Variants in TMEM131 observed in about 807,000 individuals in gnomAD.
TMEM131 encodes the protein transmembrane protein 131, also known as 2610524E03Rik.
A neutral mutation model predicts 211.6 loss-of-function variants in TMEM131; 66 were observed. That is an observed-to-expected ratio of 0.31 (90% CI 0.26 to 0.38). TMEM131 has a LOEUF of 0.38. Among genes scored for constraint, TMEM131 ranks in the 10% least tolerant of loss-of-function variants. The pLI is 1.00. For missense variants in TMEM131, 2,036 were observed against 2,299.3 expected (o/e 0.89, Z 2.34); for synonymous variants, 844 against 841.3 (o/e 1.00, Z -0.06).
intron 10 of TMEM131, among the ~76,000 whole-genome samples, chr2:97,833,653 AC>A (rs1391342351): frequency 9.1e-5 from 9 of 98,838 alleles, no homozygotes; most frequent in African/African-American, 2.9e-4. Flanking sequence ...CAAAATATAT[AC>A]TTTTTTTTTT....
chr2:97,995,330 G>T, intron 1 of TMEM131, 146 bp downstream of exon 1: 2 of 733,838 alleles, frequency 2.7e-6, no homozygotes, highest in Non-Finnish European at 1.9e-6. Context: ...GGCGGGCGCC[G>T]CGAGGTCCCG....
intron 1 of TMEM131, among the ~76,000 whole-genome samples, chr2:97,938,291 C>G (rs972754588): frequency 1.3e-5 from 2 of 152,064 alleles, no homozygotes; most frequent in African/African-American, 4.8e-5. Context: ...CCCATCTCAC[C>G]TGCAGAGACA....
intron 3 of TMEM131, among the ~76,000 whole-genome samples, chr2:97,903,853 G>T (rs1481495587): frequency 6.6e-6 from 1 of 151,960 alleles, no homozygotes; most frequent in African/African-American, 2.4e-5. Flanking sequence ...AGTAGAGATG[G>T]GGTTTCACCG....
chr2:97,789,946 C>T (rs1033180735), intron 31 of TMEM131, among the ~76,000 whole-genome samples: 56 of 152,148 alleles, frequency 3.7e-4, no homozygotes, highest in Non-Finnish European at 5.0e-4. Context: ...TGCAAGCCAT[C>T]CAACCGCAGA....
chr2:97,945,131 C>T (rs1413405932), intron 1 of TMEM131, among the ~76,000 whole-genome samples: 1 of 151,996 alleles, frequency 6.6e-6, no homozygotes, highest in Non-Finnish European at 1.5e-5. Context: ...ATTTTTCAGC[C>T]ACAACAAAAA....
At chr2:97,943,572 G>A (rs1459025758) in intron 1 of TMEM131, among the ~76,000 whole-genome samples, 1 of 152,160 alleles carries the variant, frequency 6.6e-6, no homozygotes, top group African/African-American at 2.4e-5. Flanking sequence ...ACTTAATAAT[G>A]TTAAAATGGT....
chr2:97,815,268 A>T lies in TMEM131; in HGVS notation c.1223T>A (p.Ile408Lys). The T allele has an allele frequency of 2.5e-6, 4 of 1,574,744 alleles. No homozygotes were observed. Among genetic ancestry groups the T allele is most frequent in the Non-Finnish European group, 3.4e-6 (4 of 1,169,218 alleles). ...ACTCTTTTCCTTTGCTTTAACTGTTATTTTCCCAGAAAACTGAGATGGCTT... is the reference window on the plus strand; with the variant it reads ...ACTCTTTTCCTTTGCTTTAACTGTTTTTTTCCCAGAAAACTGAGATGGCTT... The part of the protein sequence containing the change: ...AKKPSQFSGK[I>K]TVKAKEKSYS... Residue 408 changes from isoleucine (I) to lysine (K), a missense_variant, in exon 13 of 41, where the codon ATA becomes AAA. By Grantham distance (102) the Ile-to-Lys change is moderately radical (BLOSUM62 -3). This residue lies in a region of TMEM131 where 1,623 missense variants were observed against 1,805.9 expected (regional missense o/e 0.90). Coordinates refer to ENST00000186436, the MANE Select transcript of TMEM131 (RefSeq NM_015348.2).
At chr2:97,925,954 C>CA (rs1237997388) in intron 2 of TMEM131, among the ~76,000 whole-genome samples, 3 of 151,082 alleles carry the variant, frequency 2.0e-5, no homozygotes, top group Non-Finnish European at 4.4e-5. Context: ...ACTAAAAATA[C>CA]AAAAAAAATT....
In TMEM131 at chr2:97,814,309, G is replaced by C; in HGVS notation, c.1372C>G (p.Leu458Val). The change falls in exon 14 of 41, where the codon CTT becomes GTT. Residue 458 changes from leucine (L) to valine (V), a missense_variant. Around this residue, in one of 3 missense-constraint regions of TMEM131, gnomAD observed 1,623 missense variants for 1,805.9 expected, o/e 0.90. Coordinates refer to ENST00000186436, the MANE Select transcript of TMEM131 (RefSeq NM_015348.2). ...ATCGCAAAACTGAAAGTGTTAGTAA[G>C]GTAAATTGGCCTTTCCACAGGATCA... Reference protein sequence around the residue: ...PADPVERPIYLTNTFSFAILI... With the variant: ...PADPVERPIYVTNTFSFAILI... The C allele has an allele frequency of 6.2e-7, 1 of 1,613,708 alleles. No individual in the cohort carries two copies. The highest frequency in any genetic ancestry group is 8.5e-7 in the Non-Finnish European group (1 of 1,179,808).
chr2:97,833,228 A>C, intron 11 of TMEM131, 137 bp downstream of exon 11: 2 of 520,740 alleles, frequency 3.8e-6, no homozygotes, highest in Non-Finnish European at 6.8e-6. Context: ...TTCTCACATC[A>C]CACTTAGAAC....
intron 1 of TMEM131, among the ~76,000 whole-genome samples, chr2:97,959,513 T>C (rs1231976582): frequency 6.6e-6 from 1 of 151,824 alleles, no homozygotes; most frequent in Non-Finnish European, 1.5e-5. Flanking sequence ...CATTCTCCCT[T>C]TCTCTCTCTC....
At chr2:97,824,591 C>A (rs761621287) in intron 11 of TMEM131, among the ~76,000 whole-genome samples, 11 of 151,740 alleles carry the variant, frequency 7.2e-5, no homozygotes, top group Non-Finnish European at 1.6e-4. Flanking sequence ...GGAGCTATTA[C>A]CTACATGAAT....
At chr2:97,990,919 T>C (rs1680235472) in intron 1 of TMEM131, among the ~76,000 whole-genome samples, 1 of 152,182 alleles carries the variant, frequency 6.6e-6, no homozygotes, top group Non-Finnish European at 1.5e-5. Context: ...AAAGTCCTAA[T>C]AAAGGCTGTC....
intron 1 of TMEM131, among the ~76,000 whole-genome samples, chr2:97,950,389 G>A (rs1248975646): frequency 6.6e-6 from 1 of 152,172 alleles, no homozygotes; most frequent in Non-Finnish European, 1.5e-5. Flanking sequence ...GTCAAAGTTT[G>A]AAGATAGCAG....
intron 4 of TMEM131, among the ~76,000 whole-genome samples, chr2:97,886,011 A>G (rs1675141690): frequency 6.6e-6 from 1 of 152,044 alleles, no homozygotes; most frequent in South Asian, 2.1e-4. Context: ...TCTGTCTTCA[A>G]GTTCAGAAAT....
intron 5 of TMEM131, among the ~76,000 whole-genome samples, chr2:97,851,134 C>A (rs114801005): frequency 6.6e-6 from 1 of 151,922 alleles, no homozygotes; most frequent in Non-Finnish European, 1.5e-5. Context: ...GTGATCTCAT[C>A]CAGATCCATG....
At chr2:97,846,615 T>C (rs1244095967) in intron 5 of TMEM131, among the ~76,000 whole-genome samples, 2 of 152,158 alleles carry the variant, frequency 1.3e-5, no homozygotes, top group African/African-American at 4.8e-5. Flanking sequence ...CAGCCCAGGA[T>C]AGCTTGAATT....
At chr2:97,872,982 A>C (rs901988668) in intron 4 of TMEM131, among the ~76,000 whole-genome samples, 3 of 152,222 alleles carry the variant, frequency 2.0e-5, no homozygotes, top group African/African-American at 7.2e-5. Context: ...CCAGCAAACT[A>C]AGATTCACTG....
intron 5 of TMEM131, among the ~76,000 whole-genome samples, chr2:97,847,860 T>G (rs1683522847): frequency 6.6e-6 from 1 of 152,212 alleles, no homozygotes. Context: ...ATTACTTTTC[T>G]GTACATCTTT....
Sources: allele counts gnomAD v4.1 joint callset (sites outside exome capture counted in the v4.1 genomes callset), GRCh38; gene constraint gnomAD v4.1.1; regional missense constraint gnomAD v4.1.1; transcripts MANE v1.5; gene names NCBI Gene and HGNC (gene_info 2026-07-23, HGNC 2026-07-21).